Variants in SPAG16 observed in about 807,000 individuals in gnomAD.
The protein encoded by SPAG16 is sperm associated antigen 16.
SPAG16 carries 86 observed loss-of-function variants against 80.4 expected under a neutral mutation model. The ratio of observed to expected loss-of-function variants is 1.07; its 90% confidence interval spans 0.90 to 1.28. SPAG16 has a LOEUF of 1.28. Ranked by LOEUF, SPAG16 falls within the 50% of genes most tolerant of loss-of-function variation. The pLI is 0.00. For missense variants in SPAG16, 870 were observed against 765.3 expected (o/e 1.14, Z -1.61); for synonymous variants, 294 against 265.9 (o/e 1.11, Z -1.03).
At chr2:214,016,283 A>G (rs892515699) in intron 13 of SPAG16, among the ~76,000 whole-genome samples, 1 of 152,154 alleles carries the variant, frequency 6.6e-6, no homozygotes, top group Non-Finnish European at 1.5e-5. Context: ...GTGAATGAGG[A>G]AGCAAAGTCA....
intron 10 of SPAG16, among the ~76,000 whole-genome samples, chr2:213,862,077 A>G (rs2075490259): frequency 6.6e-6 from 1 of 152,232 alleles, no homozygotes; most frequent in Non-Finnish European, 1.5e-5. Context: ...TTTAAGACAT[A>G]TTATAGTTTG....
chr2:214,363,703 A>G (rs1251844193), intron 15 of SPAG16, among the ~76,000 whole-genome samples: 1 of 152,072 alleles, frequency 6.6e-6, no homozygotes, highest in African/African-American at 2.4e-5. Context: ...GGCATCTTTT[A>G]AAGACAAAGA....
Position 214,040,684 on chromosome 2 carries a change from T to C in SPAG16, c.1527+26607T>C, listed in dbSNP as rs370068464. Among the ~76,000 whole-genome samples, 31 of 152,280 alleles carry C rather than the reference T, an allele frequency of 2.0e-4. No individual in the cohort carries two copies. The East Asian group carries it at 5.4e-3, about 27-fold the overall frequency. The stretch of plus-strand genomic sequence containing the variant: ...TATATGGAGTACCTTATTTTGTATG[T>C]AGCGTTTTGGAAGTCTGATGCCAAC... On this transcript the variant is annotated intron_variant, in intron 13 of 15. Coordinates refer to ENST00000331683, the MANE Select transcript of SPAG16 (RefSeq NM_024532.5).
intron 5 of SPAG16, among the ~76,000 whole-genome samples, 199 bp from the exon 6 acceptor site, chr2:213,339,964 G>T (rs192069692): frequency 9.2e-5 from 14 of 152,178 alleles, no homozygotes; most frequent in Non-Finnish European, 1.8e-4. Flanking sequence ...TACAGGTTTT[G>T]CCCTTTCATC....
chr2:214,276,075 G>A (rs2125903783), intron 15 of SPAG16, among the ~76,000 whole-genome samples: 1 of 152,184 alleles, frequency 6.6e-6, no homozygotes, highest in Non-Finnish European at 1.5e-5. Flanking sequence ...TTTGATCTTT[G>A]TTGGTTTAAA....
chr2:213,815,943 A>G (rs2072506020), intron 10 of SPAG16, among the ~76,000 whole-genome samples: 1 of 152,134 alleles, frequency 6.6e-6, no homozygotes, highest in Non-Finnish European at 1.5e-5. Flanking sequence ...GCTAATTGGA[A>G]CAAAGAATTA....
intron 7 of SPAG16, among the ~76,000 whole-genome samples, chr2:213,356,469 T>C (rs1282449439): frequency 6.6e-6 from 1 of 152,168 alleles, no homozygotes; most frequent in Non-Finnish European, 1.5e-5. Flanking sequence ...TCCTAGTTTA[T>C]TCTTGTGAGA....
At chr2:214,095,184 C>T (rs2052502384) in intron 13 of SPAG16, among the ~76,000 whole-genome samples, 1 of 152,048 alleles carries the variant, frequency 6.6e-6, no homozygotes, top group Admixed American at 6.6e-5. Context: ...AAAGTCCCTA[C>T]ATTGCTGGGG....
At chr2:214,371,532 C>CA (rs199553043) in intron 15 of SPAG16, among the ~76,000 whole-genome samples, 21,027 of 78,138 alleles carry the variant, frequency 0.27, 3,583 homozygotes, top group African/African-American at 0.51. Flanking sequence ...AAATCCTTCT[C>CA]AAAAAAAAAA....
chr2:214,051,941 GTTTA>G (rs2049667602), intron 13 of SPAG16, among the ~76,000 whole-genome samples: 1 of 152,134 alleles, frequency 6.6e-6, no homozygotes, highest in Admixed American at 6.5e-5. Flanking sequence ...ACATATTTCT[GTTTA>G]TTTAATGAAA....
intron 13 of SPAG16, among the ~76,000 whole-genome samples, chr2:214,043,414 G>A (rs543395872): frequency 2.6e-4 from 39 of 152,242 alleles, no homozygotes; most frequent in Non-Finnish European, 1.8e-4. Context: ...GGGGTCAGCT[G>A]CCAACATTTT....
At chr2:213,385,588 GGCCA>G (rs2067384116) in intron 9 of SPAG16, among the ~76,000 whole-genome samples, 1 of 152,018 alleles carries the variant, frequency 6.6e-6, no homozygotes, top group African/African-American at 2.4e-5. Flanking sequence ...TTGGTCTGTT[GGCCA>G]GTAAGGAGGG....
intron 7 of SPAG16, among the ~76,000 whole-genome samples, chr2:213,360,782 T>C (rs1329324201): frequency 1.3e-5 from 2 of 152,230 alleles, no homozygotes; most frequent in African/African-American, 2.4e-5. Context: ...AATGTTTCTC[T>C]ATAATGTAAA....
intron 13 of SPAG16, among the ~76,000 whole-genome samples, chr2:214,097,661 A>G (rs2052687460): frequency 2.0e-5 from 3 of 151,506 alleles, no homozygotes; most frequent in African/African-American, 4.8e-5. Context: ...CAAACTTGCA[A>G]TGTGTGTGTG....
intron 5 of SPAG16, among the ~76,000 whole-genome samples, chr2:213,336,536 A>C (rs753888150): frequency 4.6e-5 from 7 of 152,196 alleles, no homozygotes; most frequent in African/African-American, 7.2e-5. Flanking sequence ...CCAGTTGGCC[A>C]TTGTCCCCTG....
At chr2:214,005,362 T>A (rs1321888850) in intron 12 of SPAG16, among the ~76,000 whole-genome samples, 1 of 152,244 alleles carries the variant, frequency 6.6e-6, no homozygotes, top group Non-Finnish European at 1.5e-5. Flanking sequence ...CTGCCCGTGT[T>A]CCAGGTACTT....
intron 5 of SPAG16, among the ~76,000 whole-genome samples, chr2:213,318,867 A>G (rs1257167563): frequency 1.3e-5 from 2 of 151,888 alleles, no homozygotes; most frequent in East Asian, 3.8e-4. Flanking sequence ...ATTTTCTTCT[A>G]ACTTAAAAGA....
At chr2:213,648,551 A>C (rs2062908220) in intron 10 of SPAG16, among the ~76,000 whole-genome samples, 1 of 151,970 alleles carries the variant, frequency 6.6e-6, no homozygotes, top group Non-Finnish European at 1.5e-5. Context: ...AAAGAGAAAA[A>C]ATGATAAATG....
At chr2:214,342,227 G>A (rs1284601199) in intron 15 of SPAG16, among the ~76,000 whole-genome samples, 1 of 151,834 alleles carries the variant, frequency 6.6e-6, no homozygotes, top group Non-Finnish European at 1.5e-5. Context: ...CTAAAGCAGG[G>A]GTTCCCAAAG....
Sources: gnomAD v4.1 joint callset for allele counts (sites outside exome capture counted in the v4.1 genomes callset) on GRCh38, gnomAD v4.1.1 for gene constraint, MANE v1.5 for transcripts, NCBI Gene and HGNC (gene_info 2026-07-23, HGNC 2026-07-21) for gene names.